The following PAG1 variants were observed in gnomAD, a reference collection of about 807,000 sequenced individuals.
PAG1 encodes phosphoprotein membrane anchor with glycosphingolipid microdomains 1, also known as phosphoprotein associated with glycosphingolipid-enriched microdomains 1.
Under a neutral mutation model 31.7 loss-of-function variants are expected in PAG1, and 23 were observed. The ratio of observed to expected loss-of-function variants is 0.73; its 90% CI spans 0.52 to 1.03. PAG1 has a LOEUF of 1.03. PAG1 is among the 50% of genes least tolerant of loss of function. The pLI is 0.00. For synonymous variants in PAG1, 214 were observed against 210.3 expected, an observed-to-expected ratio of 1.02 and a Z score of -0.15; for missense variants, 473 against 540.7, an observed-to-expected ratio of 0.87 and a Z score of 1.24.
At chr8:81,027,459 T>C (rs574581274) in intron 3 of PAG1, among the ~76,000 whole-genome samples, 2 of 152,332 alleles carry the variant, frequency 1.3e-5, no homozygotes, top group Admixed American at 1.3e-4. Context: ...TTTTGTTACA[T>C]AAGATTAACC....
At chr8:80,997,082 T>C (rs1315960044) in intron 3 of PAG1, among the ~76,000 whole-genome samples, 2 of 152,194 alleles carry the variant, frequency 1.3e-5, no homozygotes, top group Non-Finnish European at 2.9e-5. Flanking sequence ...AGGACCATCT[T>C]ATTTTAGGCT....
chr8:81,062,331 C>T (rs779786200), intron 2 of PAG1, among the ~76,000 whole-genome samples: 1 of 152,178 alleles, frequency 6.6e-6, no homozygotes, highest in Non-Finnish European at 1.5e-5. Context: ...CCTGTTTGGC[C>T]TAATACTTGT....
intron 1 of PAG1, among the ~76,000 whole-genome samples, chr8:81,107,781 C>T (rs1458177681): frequency 3.9e-5 from 6 of 152,250 alleles, no homozygotes; most frequent in Non-Finnish European, 8.8e-5. Context: ...TTGAACTCAG[C>T]AATGAGCGAG....
chr8:81,008,203 A>G (rs929084977), intron 3 of PAG1, among the ~76,000 whole-genome samples: 1 of 152,204 alleles, frequency 6.6e-6, no homozygotes, highest in Non-Finnish European at 1.5e-5. Context: ...AAACAAGAAT[A>G]ATTCAGTCTT....
chr8:81,057,668 A>G (rs997855976), intron 2 of PAG1, among the ~76,000 whole-genome samples: 1 of 152,208 alleles, frequency 6.6e-6, no homozygotes, highest in Non-Finnish European at 1.5e-5. Context: ...ATACATATGT[A>G]ACAAACCTGC....
chr8:81,015,683 G>C (rs372698922), intron 3 of PAG1, among the ~76,000 whole-genome samples: 19 of 152,096 alleles, frequency 1.2e-4, no homozygotes, highest in East Asian at 1.2e-3. Context: ...TTTTAGGTTG[G>C]AGCCTCACCT....
At chr8:81,073,013 C>A (rs1052123845) in intron 1 of PAG1, among the ~76,000 whole-genome samples, 2 of 152,180 alleles carry the variant, frequency 1.3e-5, no homozygotes, top group African/African-American at 4.8e-5. Context: ...GCTAGATATG[C>A]CTTTCCTTCA....
At chr8:81,016,741 A>G (rs1808078818) in intron 3 of PAG1, among the ~76,000 whole-genome samples, 1 of 152,204 alleles carries the variant, frequency 6.6e-6, no homozygotes, top group African/African-American at 2.4e-5. Context: ...CCATCAAGAA[A>G]TGAAATCTCT....
rs566282374 is a variant in PAG1, at chr8:80,976,257, G to C, written c.*287C>G. On this transcript the variant is annotated 3_prime_UTR_variant, in exon 9 of 9. Coordinates refer to ENST00000220597, the MANE Select transcript of PAG1 (RefSeq NM_018440.4). ...TTGGCTTTCCTCACTAATGAGATGA[G>C]ACCACTGACAGCTGGGATCTTTTGT... 2.8e-6 allele frequency: 1 copy of C among 357,408 alleles called. No individual in the cohort carries two copies. Among genetic ancestry groups the C allele is most frequent in the East Asian group, 5.8e-5 (1 of 17,262 alleles). 22.1% of individuals were successfully genotyped at this position (357,408 alleles called of 1,614,324 possible).
chr8:80,986,199 T>G (rs1029221914), intron 6 of PAG1, among the ~76,000 whole-genome samples: 1 of 151,874 alleles, frequency 6.6e-6, no homozygotes, highest in African/African-American at 2.4e-5. Flanking sequence ...TTCCAAGGGG[T>G]ATGTGAAAAA....
At chr8:80,983,123 T>C (rs992539643) in intron 7 of PAG1, among the ~76,000 whole-genome samples, 14 of 152,160 alleles carry the variant, frequency 9.2e-5, no homozygotes, top group Non-Finnish European at 1.8e-4. Context: ...CTCTTCCCTC[T>C]CCACCCACAG....
Position 81,048,990 on chromosome 8 carries a change from C to T in PAG1, c.-174-18901G>A, listed in dbSNP as rs17569939. Among the ~76,000 whole-genome samples, 736 of 152,254 alleles carry T rather than the reference C, an allele frequency of 4.8e-3. 1 individual carries two copies. The highest frequency in any genetic ancestry group is 7.1e-3 in the Non-Finnish European group (482 of 68,016). On this transcript the variant is annotated intron_variant, in intron 2 of 8. Coordinates refer to ENST00000220597, the MANE Select transcript of PAG1 (RefSeq NM_018440.4). The stretch of plus-strand genomic sequence containing the variant: ...CTACAATACTTGTGATTCTGGCTAA[C>T]GATTATGACTTTATTAATGCATTTT...
intron 1 of PAG1, among the ~76,000 whole-genome samples, chr8:81,104,349 A>G (rs1809656981): frequency 6.7e-6 from 1 of 149,386 alleles, no homozygotes; most frequent in African/African-American, 2.5e-5. Context: ...TTACTATGCC[A>G]TCTCTTTTTC....
At chr8:80,983,318 TC>T (rs1323591744) in intron 7 of PAG1, among the ~76,000 whole-genome samples, 1 of 152,174 alleles carries the variant, frequency 6.6e-6, no homozygotes, top group East Asian at 1.9e-4. Flanking sequence ...AAAACTGTAC[TC>T]CCCACCTGTT....
intron 5 of PAG1, among the ~76,000 whole-genome samples, chr8:80,989,830 T>G (rs933183184): frequency 6.6e-6 from 1 of 152,030 alleles, no homozygotes. Flanking sequence ...TCTAAGGAGC[T>G]CCCAGGTGCT....
intron 1 of PAG1, among the ~76,000 whole-genome samples, chr8:81,089,298 A>G (rs534755080): frequency 1.3e-5 from 2 of 152,198 alleles, no homozygotes; most frequent in African/African-American, 2.4e-5. Context: ...GGCCAGGCGC[A>G]GTGGCTCACG....
At chr8:81,018,764 C>T (rs192936685) in intron 3 of PAG1, among the ~76,000 whole-genome samples, 5 of 152,314 alleles carry the variant, frequency 3.3e-5, no homozygotes, top group Admixed American at 1.3e-4. Flanking sequence ...ATAAATTACC[C>T]AGTCTGGTGC....
chr8:81,089,704 C>T (rs1157815018), intron 1 of PAG1, among the ~76,000 whole-genome samples: 2 of 152,172 alleles, frequency 1.3e-5, no homozygotes, highest in South Asian at 2.1e-4. Flanking sequence ...GAGGGAAACA[C>T]TATCTTTAGC....
chr8:81,019,100 T>C (rs10098217), intron 3 of PAG1, among the ~76,000 whole-genome samples: 58 of 152,320 alleles, frequency 3.8e-4, no homozygotes, highest in African/African-American at 1.3e-3. Flanking sequence ...ACTGGCAGCA[T>C]TGTGCCCTTG....
Sources: gnomAD v4.1 joint callset for allele counts (sites outside exome capture counted in the v4.1 genomes callset) on GRCh38, gnomAD v4.1.1 for gene constraint, MANE v1.5 for transcripts, NCBI Gene and HGNC (gene_info 2026-07-23, HGNC 2026-07-21) for gene names.